Variants in PPP2CA observed in about 807,000 individuals in gnomAD.
PPP2CA encodes the protein protein phosphatase 2 catalytic subunit alpha, also known as serine/threonine-protein phosphatase 2A catalytic subunit alpha isoform.
A neutral mutation model predicts 38.8 loss-of-function variants in PPP2CA; 5 were observed. That is an observed-to-expected ratio of 0.13 (90% CI 0.07 to 0.27). The LOEUF (loss-of-function observed/expected upper bound fraction) is 0.27, where lower values mean the gene tolerates loss of function less well. PPP2CA is among the 10% of genes least tolerant of loss of function. PPP2CA has a pLI of 1.00. For missense variants in PPP2CA, 88 were observed against 389.7 expected (o/e 0.23, Z 6.52); for synonymous variants, 152 against 134.0 (o/e 1.13, Z -0.93).
chr5:134,195,722 G>C lies in PPP2CA; in HGVS notation c.*2050C>G, dbSNP rs1261439629. 1 of 152,200 alleles carries C rather than the reference G, an allele frequency of 6.6e-6. No homozygotes were observed. Among genetic ancestry groups the C allele is most frequent in the African/African-American group, 2.4e-5 (1 of 41,438 alleles). 9.4% of individuals were successfully genotyped at this position (152,200 alleles called of 1,614,324 possible). The stretch of plus-strand genomic sequence containing the variant: ...CCATAGCCATTTTCAAAAGAAGGTA[G>C]GGTACTAACACTTTCCAGTTTAGAT... On this transcript the variant is annotated 3_prime_UTR_variant, in exon 7 of 7. Transcript: ENST00000481195.
chr5:134,204,757 C>T (rs1762042244), intron 2 of PPP2CA, among the ~76,000 whole-genome samples: 2 of 152,074 alleles, frequency 1.3e-5, no homozygotes, highest in Admixed American at 1.3e-4. Flanking sequence ...ACCACTGCAC[C>T]CAGCCTAGTC....
intron 1 of PPP2CA, among the ~76,000 whole-genome samples, chr5:134,221,125 C>T (rs1001114003): frequency 6.6e-6 from 1 of 151,684 alleles, no homozygotes; most frequent in African/African-American, 2.4e-5. Flanking sequence ...TTTTTGGGGC[C>T]GGGGGGAATG....
chr5:134,195,865 T>C lies in PPP2CA; in HGVS notation c.*1907A>G, dbSNP rs1761838587. 6.6e-6 allele frequency: 1 copy of C among 152,218 alleles called. No homozygotes were observed. Among genetic ancestry groups the C allele is most frequent in the South Asian group, 2.1e-4 (1 of 4,836 alleles). 9.4% of individuals were successfully genotyped at this position (152,218 alleles called of 1,614,324 possible). A position where few individuals can be genotyped will look rare whatever the true frequency, so the allele number is the denominator to read the frequency against. ...CTAACCACAAAATTTAGAGAATTTG[T>C]ACCTGGAAGATACCACCACGTGTCA... On this transcript the variant is annotated 3_prime_UTR_variant, in exon 7 of 7. Transcript: ENST00000481195.
At chr5:134,209,908 T>C (rs1027404933) in intron 1 of PPP2CA, among the ~76,000 whole-genome samples, 5 of 152,060 alleles carry the variant, frequency 3.3e-5, no homozygotes, top group Non-Finnish European at 7.4e-5. Context: ...GACCCCTCTC[T>C]ATAGAAAATA....
At chr5:134,225,193 T>G (rs1003506928) in intron 1 of PPP2CA, among the ~76,000 whole-genome samples, 7 of 152,316 alleles carry the variant, frequency 4.6e-5, no homozygotes, top group Admixed American at 3.3e-4. Context: ...TAAAAATTCT[T>G]AAAGACACCC....
intron 1 of PPP2CA, among the ~76,000 whole-genome samples, chr5:134,209,210 C>T (rs1762147256): frequency 2.0e-5 from 3 of 151,774 alleles, no homozygotes; most frequent in African/African-American, 7.3e-5. Context: ...CAGACCAGAA[C>T]AAATATAATT....
intron 1 of PPP2CA, chr5:134,224,324 A>G: frequency 2.2e-6 from 1 of 455,484 alleles, no homozygotes; most frequent in Non-Finnish European, 4.4e-6. Flanking sequence ...AGGCATCTCC[A>G]ACAGATGATG....
chr5:134,211,281 T>C (rs138520363), intron 1 of PPP2CA, among the ~76,000 whole-genome samples: 1 of 152,144 alleles, frequency 6.6e-6, no homozygotes, highest in African/African-American at 2.4e-5. Context: ...CCTCTCAGCA[T>C]TCTGGTTTGG....
chr5:134,201,105 AC>A, intron 3 of PPP2CA, 31 bp from the exon 4 acceptor site: 1 of 1,533,148 alleles, frequency 6.5e-7, no homozygotes, highest in East Asian at 2.2e-5. Flanking sequence ...GGTTAACCTC[AC>A]CTAAAAAATT....
At chr5:134,219,069 T>C (rs1258351532) in intron 1 of PPP2CA, among the ~76,000 whole-genome samples, 1 of 152,160 alleles carries the variant, frequency 6.6e-6, no homozygotes, top group African/African-American at 2.4e-5. Context: ...CCAAAAGAAA[T>C]AGATAGTGGG....
intron 1 of PPP2CA, among the ~76,000 whole-genome samples, chr5:134,212,401 T>C (rs1762221823): frequency 6.6e-6 from 1 of 152,216 alleles, no homozygotes; most frequent in Non-Finnish European, 1.5e-5. Context: ...CTATTGTAAT[T>C]GCTGTGGGGC....
At chr5:134,208,163 T>C (rs1762123410) in intron 1 of PPP2CA, among the ~76,000 whole-genome samples, 1 of 152,240 alleles carries the variant, frequency 6.6e-6, no homozygotes, top group African/African-American at 2.4e-5. Flanking sequence ...AATCTTGCCA[T>C]GATGTAATTT....
rs1048272322 is a variant in PPP2CA at position 134,196,557 on chromosome 5, C to T, written c.*1215G>A. On this transcript the variant is annotated 3_prime_UTR_variant, in exon 7 of 7. Coordinates refer to ENST00000481195, the MANE Select transcript of PPP2CA (RefSeq NM_002715.4). ...AACTTGACACAGGCTAATGCTTTAA[C>T]ACTTTCTTATCTGAGACAAATTTAA... The T allele has an allele frequency of 7.9e-5, 12 of 152,214 alleles. No individual in the cohort carries two copies. The highest frequency in any genetic ancestry group is 2.7e-4 in the African/African-American group (11 of 41,468). 9.4% of individuals were successfully genotyped at this position (152,214 alleles called of 1,614,324 possible).
Position 134,197,724 on chromosome 5 carries a change from T to C in PPP2CA, c.*48A>G. 1 of 1,436,278 alleles carries C rather than the reference T, an allele frequency of 7.0e-7. No individual in the cohort carries two copies. The highest frequency in any genetic ancestry group is 9.8e-7 in the Non-Finnish European group (1 of 1,020,660). 89.0% of individuals were successfully genotyped at this position (1,436,278 alleles called of 1,614,324 possible). On this transcript the variant is annotated 3_prime_UTR_variant, in exon 7 of 7. Transcript: ENST00000481195. The stretch of plus-strand genomic sequence containing the variant: ...TTACTGTTGCTCTTCCCATTTCCAT[T>C]AGGTCGATATATGGTTCATGGCAAT...
At chr5:134,201,118 G>T in intron 3 of PPP2CA, 44 bp from the exon 4 acceptor site, 1 of 1,473,940 alleles carries the variant, frequency 6.8e-7, no homozygotes, top group African/African-American at 1.4e-5. Flanking sequence ...TAAAAAATTT[G>T]TAAACATTCT....
At chr5:134,207,629 C>T (rs752095255) in intron 1 of PPP2CA, among the ~76,000 whole-genome samples, 4 of 152,170 alleles carry the variant, frequency 2.6e-5, no homozygotes, top group Non-Finnish European at 5.9e-5. Flanking sequence ...TCTCGGCTCA[C>T]TATAACCTCC....
intron 1 of PPP2CA, among the ~76,000 whole-genome samples, chr5:134,212,991 A>C (rs1762234166): frequency 6.6e-6 from 1 of 152,234 alleles, no homozygotes; most frequent in Non-Finnish European, 1.5e-5. Flanking sequence ...ATAACATAAA[A>C]GGGCAAGATA....
At position 134,195,266 on chromosome 5, in the gene PPP2CA, T is replaced by C. The variant is rs1219479207; in HGVS notation, c.*2506A>G. The C allele has an allele frequency of 6.6e-6, 1 of 152,192 alleles. No homozygotes were observed. The highest frequency in any genetic ancestry group is 2.4e-5 in the African/African-American group (1 of 41,432). The allele number at this position is 152,192 out of a possible 1,614,324, so 9.4% of individuals were successfully genotyped here. The stretch of plus-strand genomic sequence containing the variant: ...ATACAAACTCAGAATCCTCTTTATT[T>C]TTGAGACAGGGTCTGGCTCTGTCAC... On this transcript the variant is annotated 3_prime_UTR_variant, in exon 7 of 7. Coordinates refer to ENST00000481195, the MANE Select transcript of PPP2CA (RefSeq NM_002715.4).
chr5:134,206,931 G>A (rs1762095480), intron 1 of PPP2CA, among the ~76,000 whole-genome samples: 1 of 152,222 alleles, frequency 6.6e-6, no homozygotes, highest in Admixed American at 6.5e-5. Context: ...AAGTAACCAA[G>A]CCAAAAGTAC....
Sources: gnomAD v4.1 joint callset for allele counts (sites outside exome capture counted in the v4.1 genomes callset) on GRCh38, gnomAD v4.1.1 for gene constraint, MANE v1.5 for transcripts, NCBI Gene and HGNC (gene_info 2026-07-23, HGNC 2026-07-21) for gene names.